The following GRM3 variants were observed in gnomAD, a reference collection of about 807,000 sequenced individuals.
GRM3 encodes metabotropic glutamate receptor 3.
In GRM3, 26 loss-of-function variants were observed where a neutral mutation model predicts 70.5. That is an observed-to-expected ratio of 0.37 (90% CI 0.27 to 0.51). The LOEUF is 0.51. GRM3 is among the 20% of genes least tolerant of loss of function. The pLI is 0.93. For missense variants in GRM3, 859 were observed against 1,123.8 expected, an observed-to-expected ratio of 0.76 and a Z score of 3.37; for synonymous variants, 443 against 434.9, an observed-to-expected ratio of 1.02 and a Z score of -0.23.
At chr7:86,849,612 G>C (rs923681353) in intron 4 of GRM3, among the ~76,000 whole-genome samples, 19 of 152,020 alleles carry the variant, frequency 1.2e-4, no homozygotes, top group Admixed American at 7.2e-4. Flanking sequence ...ATGTGCCTAA[G>C]GGGAAAGGAA....
In GRM3 at chr7:86,839,015, C is replaced by A. The variant is rs566982395; in HGVS notation, c.1501C>A (p.Arg501=). ...AGATGTCAACTCTATCCACTGGTCC[C>A]GGAACTCAGTCCCCACTTCCCAGTG... The part of the protein sequence containing the change: ...SLDVNSIHWS[R]NSVPTSQCSD... Residue 501 remains arginine (R), a synonymous_variant, in exon 4 of 6, where the codon CGG becomes AGG. Transcript: ENST00000361669. This position sits in a 1 kb window ranked among gnomAD's most constrained non-coding sequence, Gnocchi z 4.5. 8.7e-6 allele frequency: 14 copies of A among 1,613,974 alleles called. 1 individual carries two copies. In the South Asian group the frequency reaches 1.5e-4, roughly 18 times the overall value.
chr7:86,808,023 T>C (rs565299269), intron 3 of GRM3, among the ~76,000 whole-genome samples: 102 of 152,262 alleles, frequency 6.7e-4, no homozygotes, highest in Middle Eastern at 3.4e-3. Context: ...TTGTCTTTGG[T>C]TCTGTTTATA....
intron 1 of GRM3, among the ~76,000 whole-genome samples, chr7:86,697,317 A>G (rs1584173607): frequency 6.6e-6 from 1 of 152,062 alleles, no homozygotes; most frequent in East Asian, 1.9e-4. Context: ...ATACAAATAT[A>G]CATGGTTTGT....
intron 3 of GRM3, among the ~76,000 whole-genome samples, chr7:86,817,947 A>T (rs1427168244): frequency 6.6e-6 from 1 of 152,006 alleles, no homozygotes; most frequent in Non-Finnish European, 1.5e-5. Context: ...AGATCAATGC[A>T]ATACATGCAC....
chr7:86,764,815 T>C (rs149646784), intron 1 of GRM3, among the ~76,000 whole-genome samples, 191 bp from the exon 2 acceptor site: 68 of 152,196 alleles, frequency 4.5e-4, no homozygotes, highest in Non-Finnish European at 8.4e-4. Flanking sequence ...ATGGGACCAC[T>C]AGGAACTACA....
intron 1 of GRM3, among the ~76,000 whole-genome samples, chr7:86,721,885 C>T (rs371898846): frequency 1.3e-5 from 2 of 152,004 alleles, no homozygotes; most frequent in African/African-American, 4.8e-5. Flanking sequence ...GTCATTGGCA[C>T]CTTGAAGAAG....
At chr7:86,650,836 A>G (rs1453041446) in intron 1 of GRM3, among the ~76,000 whole-genome samples, 1 of 152,192 alleles carries the variant, frequency 6.6e-6, no homozygotes, top group Non-Finnish European at 1.5e-5. Flanking sequence ...TCCTCTTACA[A>G]CCTACCTACT....
chr7:86,764,802 G>C (rs1255252237), intron 1 of GRM3, among the ~76,000 whole-genome samples: 3 of 152,088 alleles, frequency 2.0e-5, no homozygotes, highest in African/African-American at 7.2e-5. Context: ...CCATTTCTGT[G>C]AGATGGGACC....
Position 86,864,155 on chromosome 7 carries a change from G to A in GRM3, c.2567-127G>A, listed in dbSNP as rs958047049. On this transcript the variant is annotated intron_variant, in intron 5 of 5. Coordinates refer to ENST00000361669, the MANE Select transcript of GRM3 (RefSeq NM_000840.3). ...AGTATACACTGAACTCCAATTTGTA[G>A]TCTTTTATCCCTCACCTCCTTCCCA... is the stretch of plus-strand genomic sequence containing the variant. The A allele has an allele frequency of 4.6e-6, 3 of 657,880 alleles. No individual in the cohort carries two copies. The African/African-American group carries it at 5.6e-5, about 12-fold the overall frequency. 40.8% of individuals were successfully genotyped at this position (657,880 alleles called of 1,614,324 possible).
At chr7:86,708,613 C>A (rs570077683) in intron 1 of GRM3, among the ~76,000 whole-genome samples, 2 of 152,168 alleles carry the variant, frequency 1.3e-5, no homozygotes, top group South Asian at 4.1e-4. Flanking sequence ...GTCAACGAAT[C>A]CACCCCAGAG....
At chr7:86,690,657 C>A (rs965937430) in intron 1 of GRM3, among the ~76,000 whole-genome samples, 1 of 152,004 alleles carries the variant, frequency 6.6e-6, no homozygotes, top group Non-Finnish European at 1.5e-5. Context: ...GATAGTGACA[C>A]CATTTACTGG....
intron 1 of GRM3, among the ~76,000 whole-genome samples, chr7:86,688,292 G>A (rs1228904051): frequency 2.0e-5 from 3 of 151,214 alleles, no homozygotes; most frequent in African/African-American, 7.3e-5. Flanking sequence ...TAGTTAAAAA[G>A]GATAAAGACA....
chr7:86,690,470 A>G (rs984970297), intron 1 of GRM3, among the ~76,000 whole-genome samples: 4 of 152,158 alleles, frequency 2.6e-5, no homozygotes, highest in Non-Finnish European at 5.9e-5. Flanking sequence ...TGAAGTGAGA[A>G]GATCAGTGAG....
intron 1 of GRM3, among the ~76,000 whole-genome samples, chr7:86,739,820 C>G (rs1795946123): frequency 6.6e-6 from 1 of 152,178 alleles, no homozygotes; most frequent in African/African-American, 2.4e-5. Flanking sequence ...GAAAGATTAT[C>G]TAAGGCTCAA....
intron 3 of GRM3, among the ~76,000 whole-genome samples, chr7:86,788,679 A>G (rs1213935844): frequency 6.6e-6 from 1 of 152,254 alleles, no homozygotes; most frequent in Admixed American, 6.5e-5. Context: ...CAGTAAAAAA[A>G]GAATATCTTT....
intron 3 of GRM3, among the ~76,000 whole-genome samples, chr7:86,804,026 A>G (rs2116631781): frequency 6.6e-6 from 1 of 152,294 alleles, no homozygotes; most frequent in East Asian, 1.9e-4. Context: ...AATGAGGTGG[A>G]GTGACTCAAC....
chr7:86,782,018 A>T (rs1797077730), intron 2 of GRM3, among the ~76,000 whole-genome samples: 1 of 151,786 alleles, frequency 6.6e-6, no homozygotes, highest in South Asian at 2.1e-4. Context: ...GGTAAAATTC[A>T]CTCTTATTAA....
intron 1 of GRM3, among the ~76,000 whole-genome samples, chr7:86,694,522 A>AAAAG (rs1562828319): frequency 6.8e-6 from 1 of 147,086 alleles, no homozygotes; most frequent in African/African-American, 2.5e-5. Context: ...AAAAAAAAAA[A>AAAAG]AAAAAAGAAA....
intron 1 of GRM3, among the ~76,000 whole-genome samples, chr7:86,717,981 T>C (rs1795360955): frequency 6.6e-6 from 1 of 151,670 alleles, no homozygotes; most frequent in Non-Finnish European, 1.5e-5. Context: ...ATTTTATTGA[T>C]GTGTGTTCAT....
Sources: allele counts gnomAD v4.1 joint callset (sites outside exome capture counted in the v4.1 genomes callset), GRCh38; gene constraint gnomAD v4.1.1; non-coding constraint Gnocchi (gnomAD v3.1); transcripts MANE v1.5; gene names NCBI Gene and HGNC (gene_info 2026-07-23, HGNC 2026-07-21).